The following MYOZ2 variants were observed in gnomAD, a reference collection of about 807,000 sequenced individuals.
The protein encoded by MYOZ2 is myozenin-2.
A neutral mutation model predicts 25.4 loss-of-function variants in MYOZ2; 19 were observed. That is an observed-to-expected ratio of 0.75 (90% CI 0.52 to 1.10). The LOEUF (loss-of-function observed/expected upper bound fraction) is 1.10, where lower values mean the gene tolerates loss of function less well. Among genes scored for constraint, MYOZ2 ranks in the 50% least tolerant of loss-of-function variants. The probability of loss-of-function intolerance (pLI) is 0.00; values close to 1 mark genes in which losing one functional copy is unlikely to be tolerated. For missense variants in MYOZ2, 270 were observed against 317.9 expected (o/e 0.85, Z 1.15); for synonymous variants, 92 against 106.9 (o/e 0.86, Z 0.86).
intron 5 of MYOZ2, among the ~76,000 whole-genome samples, chr4:119,183,829 T>TC (rs397995147): frequency 3.3e-5 from 5 of 150,732 alleles, no homozygotes; most frequent in Non-Finnish European, 5.9e-5. Flanking sequence ...TTTTTTTTTT[T>TC]CCGAGACTGA....
intron 3 of MYOZ2, among the ~76,000 whole-genome samples, chr4:119,153,134 A>T (rs1553958332): frequency 6.6e-6 from 1 of 150,990 alleles, no homozygotes; most frequent in Non-Finnish European, 1.5e-5. Flanking sequence ...CAATGCTCTC[A>T]GGTGCCTTCT....
chr4:119,176,147 A>G (rs977451670), intron 5 of MYOZ2, among the ~76,000 whole-genome samples: 3 of 152,196 alleles, frequency 2.0e-5, no homozygotes, highest in African/African-American at 7.2e-5. Context: ...TTGATTCCCT[A>G]GCATGCAGCA....
chr4:119,143,310 T>A, intron 2 of MYOZ2, among the ~76,000 whole-genome samples: 1 of 151,836 alleles, frequency 6.6e-6, no homozygotes, highest in East Asian at 1.9e-4. Context: ...ATTCTCCTGC[T>A]TCAGCCTCCC....
rs907894214 is a variant in MYOZ2, at chr4:119,186,937, A to T, written c.*737A>T. On this transcript the variant is annotated 3_prime_UTR_variant, in exon 6 of 6. Transcript: ENST00000307128. Reference sequence around the variant, plus strand: ...TCACAAATCCCAATGCTGTGCATTGATTATGTTCAACTTTATGTGTGCATT... The same window carrying T: ...TCACAAATCCCAATGCTGTGCATTGTTTATGTTCAACTTTATGTGTGCATT... 1 of 152,244 alleles carries T rather than the reference A, an allele frequency of 6.6e-6. No individual in the cohort carries two copies. Among genetic ancestry groups the T allele is most frequent in the Non-Finnish European group, 1.5e-5 (1 of 68,056 alleles). The allele number at this position is 152,244 out of a possible 1,614,324, so 9.4% of individuals were successfully genotyped here. A position where few individuals can be genotyped will look rare whatever the true frequency, so the allele number is the denominator to read the frequency against.
chr4:119,167,007 C>G (rs1741838776), intron 5 of MYOZ2, among the ~76,000 whole-genome samples: 1 of 152,100 alleles, frequency 6.6e-6, no homozygotes, highest in African/African-American at 2.4e-5. Flanking sequence ...CAATTAATAA[C>G]CCTATAGTAG....
intron 5 of MYOZ2, among the ~76,000 whole-genome samples, chr4:119,181,438 T>C (rs528598331): frequency 6.6e-6 from 1 of 152,332 alleles, no homozygotes; most frequent in East Asian, 1.9e-4. Flanking sequence ...CCCTGTGCAT[T>C]CTGGGAGAGT....
chr4:119,157,770 G>A (rs572502487), intron 3 of MYOZ2, among the ~76,000 whole-genome samples: 1 of 152,196 alleles, frequency 6.6e-6, no homozygotes, highest in South Asian at 2.1e-4. Context: ...CACACAGTAA[G>A]TCTCAATTTC....
At chr4:119,183,383 A>G (rs1189345588) in intron 5 of MYOZ2, among the ~76,000 whole-genome samples, 1 of 152,030 alleles carries the variant, frequency 6.6e-6, no homozygotes, top group Non-Finnish European at 1.5e-5. Flanking sequence ...GGGATTTAGA[A>G]ACGCAGTTGT....
At position 119,187,413 on chromosome 4, in the gene MYOZ2, T is replaced by C. The variant is rs1742317559; in HGVS notation, c.*1213T>C. 1 of 152,060 alleles carries C rather than the reference T, an allele frequency of 6.6e-6. No individual in the cohort carries two copies. The highest frequency in any genetic ancestry group is 2.1e-4 in the South Asian group (1 of 4,830). The allele number at this position is 152,060 out of a possible 1,614,324, so 9.4% of individuals were successfully genotyped here. A position where few individuals can be genotyped will look rare whatever the true frequency, so the allele number is the denominator to read the frequency against. On this transcript the variant is annotated 3_prime_UTR_variant, in exon 6 of 6. Transcript: ENST00000307128. ...TTAGGAGATAGGAAGAAGGACTGTG[T>C]GTAGTAATGAAAATACCAAGTTGCA...
intron 2 of MYOZ2, among the ~76,000 whole-genome samples, chr4:119,147,248 T>C (rs1488654408): frequency 1.3e-5 from 2 of 152,094 alleles, no homozygotes; most frequent in African/African-American, 4.8e-5. Context: ...TTTAGTTTTC[T>C]ATTTGTCATC....
chr4:119,181,526 C>T (rs1198886005), intron 5 of MYOZ2, among the ~76,000 whole-genome samples: 1 of 152,084 alleles, frequency 6.6e-6, no homozygotes, highest in Non-Finnish European at 1.5e-5. Context: ...ATTACAAGTT[C>T]TTTGAGAGTA....
At chr4:119,173,320 G>T (rs373232356) in intron 5 of MYOZ2, among the ~76,000 whole-genome samples, 1 of 152,184 alleles carries the variant, frequency 6.6e-6, no homozygotes, top group African/African-American at 2.4e-5. Context: ...GGGAACTGGG[G>T]AGATAGATGC....
At chr4:119,145,118 A>AT (rs1419089031) in intron 2 of MYOZ2, among the ~76,000 whole-genome samples, 1 of 152,022 alleles carries the variant, frequency 6.6e-6, no homozygotes, top group Non-Finnish European at 1.5e-5. Flanking sequence ...CAGTAATGTG[A>AT]TTTTTCTTCC....
chr4:119,160,160 T>C (rs1741672811), intron 4 of MYOZ2, among the ~76,000 whole-genome samples: 1 of 152,180 alleles, frequency 6.6e-6, no homozygotes, highest in Non-Finnish European at 1.5e-5. Flanking sequence ...CTGTGCAAAG[T>C]AAGTGTGATG....
intron 3 of MYOZ2, among the ~76,000 whole-genome samples, chr4:119,157,662 G>C (rs1450867695): frequency 6.6e-6 from 1 of 152,118 alleles, no homozygotes; most frequent in Non-Finnish European, 1.5e-5. Flanking sequence ...TACATTATTA[G>C]ATTAGTAAGG....
At chr4:119,143,830 T>G (rs1741227149) in intron 2 of MYOZ2, among the ~76,000 whole-genome samples, 1 of 152,226 alleles carries the variant, frequency 6.6e-6, no homozygotes, top group African/African-American at 2.4e-5. Context: ...TGGCTTCTTT[T>G]ACTTAGAAAT....
intron 5 of MYOZ2, among the ~76,000 whole-genome samples, chr4:119,172,983 A>G (rs1741978281): frequency 6.6e-6 from 1 of 152,216 alleles, no homozygotes; most frequent in South Asian, 2.1e-4. Flanking sequence ...TAATTTCCCC[A>G]TCTGCAAAAT....
At chr4:119,151,080 G>A (rs757818422) in intron 3 of MYOZ2, 39 bp downstream of exon 3, 151 of 1,537,580 alleles carry the variant, frequency 9.8e-5, no homozygotes, top group Admixed American at 9.2e-4. Context: ...AAATGAATGC[G>A]CAATATTTCT....
At chr4:119,144,891 C>G (rs1375776906) in intron 2 of MYOZ2, among the ~76,000 whole-genome samples, 1 of 152,190 alleles carries the variant, frequency 6.6e-6, no homozygotes, top group East Asian at 1.9e-4. Flanking sequence ...CATTCTGTAG[C>G]TTGTCTTTTC....
Sources: allele counts gnomAD v4.1 joint callset (sites outside exome capture counted in the v4.1 genomes callset), GRCh38; gene constraint gnomAD v4.1.1; transcripts MANE v1.5; gene names NCBI Gene and HGNC (gene_info 2026-07-23, HGNC 2026-07-21).